Variants in CDKN2A observed in about 807,000 individuals in gnomAD.
CDKN2A encodes cyclin dependent kinase inhibitor 2A, also known as cyclin-dependent kinase inhibitor 2A.
CDKN2A carries 3 observed loss-of-function variants against 11.1 expected under a neutral mutation model. The observed-to-expected ratio is 0.27, with a 90% CI of 0.12 to 0.70. The LOEUF (loss-of-function observed/expected upper bound fraction) is 0.70, where lower values mean the gene tolerates loss of function less well. CDKN2A is among the 30% of genes least tolerant of loss of function. CDKN2A has a pLI of 0.77. For synonymous variants in CDKN2A, 122 were observed against 108.1 expected (o/e 1.13, Z -0.80); for missense variants, 265 against 233.6 (o/e 1.13, Z -0.88).
chr9:21,974,012 TC>T lies in CDKN2A; in HGVS notation c.150+665del, dbSNP rs1486058331. The stretch of plus-strand genomic sequence containing the variant: ...TTCAAGCGATTCTCCTGCCTCAACC[TC>T]CCGAGTAGCTGGGATTACAGGCGCC... On this transcript the variant is annotated intron_variant, in intron 1 of 2. Coordinates refer to ENST00000304494, the MANE Select transcript of CDKN2A (RefSeq NM_000077.5). The surrounding 1 kb of genome is among the most constrained non-coding windows in gnomAD (Gnocchi z 5.2). 6.6e-6 allele frequency among the ~76,000 whole-genome samples: 1 copy of T among 152,052 alleles called. No homozygotes were observed. The highest frequency in any genetic ancestry group is 1.5e-5 in the Non-Finnish European group (1 of 67,998).
At chr9:21,980,225 A>G (rs1265244844) in intron 2 of CDKN2A, among the ~76,000 whole-genome samples, 1 of 152,166 alleles carries the variant, frequency 6.6e-6, no homozygotes, top group Non-Finnish European at 1.5e-5. Flanking sequence ...TCTATTGTTT[A>G]CGCTTGAGGT....
chr9:21,995,114 C>CGGCGCT lies in CDKN2A; in HGVS notation c.-475_-470dup, dbSNP rs1297589263. ...TCTGACGCGACATCTGGACACGGCG[C>CGGCGCT]GGCGCTGGCGCTGCCGGAGCTGTCG... On this transcript the variant is annotated 5_prime_UTR_variant, in exon 1 of 4. Coordinates refer to the CDKN2A transcript ENST00000494262. The surrounding 1 kb of genome is among the most constrained non-coding windows in gnomAD (Gnocchi z 5.7). The CGGCGCT allele has an allele frequency of 1.3e-5, 2 of 152,182 alleles. No individual in the cohort carries two copies. Among genetic ancestry groups the CGGCGCT allele is most frequent in the South Asian group, 2.1e-4 (1 of 4,832 alleles). The allele number at this position is 152,182 out of a possible 1,614,324, so 9.4% of individuals were successfully genotyped here. A position where few individuals can be genotyped will look rare whatever the true frequency, so the allele number is the denominator to read the frequency against.
chr9:21,994,522 AC>A, intron 1 of CDKN2A: 12 of 895,104 alleles, frequency 1.3e-5, no homozygotes, highest in Non-Finnish European at 1.7e-5. Context: ...CCCCACCCCC[AC>A]CCCACCCCCA....
Position 21,990,131 on chromosome 9 carries a change from G to A in CDKN2A, c.-4+3751C>T, listed in dbSNP as rs1820392778. 2.0e-5 allele frequency among the ~76,000 whole-genome samples: 3 copies of A among 152,094 alleles called. No homozygotes were observed. The South Asian group carries it at 6.2e-4, about 32-fold the overall frequency. ...GGCGAGACCTGCCTGAAATTGATTGGAGGGGACTAGAGTGTGCTTGTGGGG... is the reference window on the plus strand; with the variant it reads ...GGCGAGACCTGCCTGAAATTGATTGAAGGGGACTAGAGTGTGCTTGTGGGG... On this transcript the variant is annotated intron_variant, in intron 2 of 3. Coordinates refer to the CDKN2A transcript ENST00000494262.
At chr9:21,979,621 ACTTC>A (rs773562365), upstream of CDKN2A, among the ~76,000 whole-genome samples, 3 of 152,218 alleles carry the variant, frequency 2.0e-5, no homozygotes, top group Non-Finnish European at 4.4e-5. Context: ...AAGTTGAGGC[ACTTC>A]CTTCTATGAA....
chr9:21,990,341 C>A (rs1024439771), intron 2 of CDKN2A, among the ~76,000 whole-genome samples: 2 of 152,072 alleles, frequency 1.3e-5, no homozygotes, highest in Non-Finnish European at 2.9e-5. Context: ...GCAGGTTTTC[C>A]CAGACCTTAA....
At position 21,992,297 on chromosome 9, in the gene CDKN2A, T is replaced by C. The variant is rs552794237; in HGVS notation, c.-4+1585A>G. ...TAGCCATGGGCATAAAATATATTAATGTGAAATATATAATTACATATCATT... is the reference window on the plus strand; with the variant it reads ...TAGCCATGGGCATAAAATATATTAACGTGAAATATATAATTACATATCATT... On this transcript the variant is annotated intron_variant, in intron 2 of 3. Coordinates refer to the CDKN2A transcript ENST00000494262. The C allele has an allele frequency of 3.6e-6, 3 of 841,148 alleles. No homozygotes were observed. The African/African-American group carries it at 5.5e-5, about 15-fold the overall frequency. 52.1% of individuals were successfully genotyped at this position (841,148 alleles called of 1,614,324 possible).
At chr9:21,985,822 G>A (rs894348147) in intron 2 of CDKN2A, among the ~76,000 whole-genome samples, 3 of 151,822 alleles carry the variant, frequency 2.0e-5, no homozygotes, top group Admixed American at 6.6e-5. Flanking sequence ...TAACACCTTG[G>A]AACATACCAG....
chr9:21,971,951 A>G (rs879759378), intron 1 of CDKN2A, among the ~76,000 whole-genome samples: 2 of 152,150 alleles, frequency 1.3e-5, no homozygotes, highest in Non-Finnish European at 2.9e-5. Context: ...AAAAAAAACA[A>G]TCAAACTTAT....
At chr9:21,970,569 G>A in intron 2 of CDKN2A, 1 of 556,552 alleles carries the variant, frequency 1.8e-6, no homozygotes, top group Non-Finnish European at 3.2e-6. Context: ...TGGAGGAAGA[G>A]GGGGCACTAG....
chr9:21,976,306 G>A (rs1448289177), upstream of CDKN2A, among the ~76,000 whole-genome samples: 1 of 151,294 alleles, frequency 6.6e-6, no homozygotes, highest in Admixed American at 6.6e-5. Context: ...TTGAACCCGG[G>A]AGGCAGAGGT....
chr9:21,994,418 A>T, intron 1 of CDKN2A: 2 of 1,601,850 alleles, frequency 1.2e-6, no homozygotes, highest in Non-Finnish European at 1.7e-6. Flanking sequence ...TGCCCCCTTA[A>T]CTGCAGACTG....
intron 2 of CDKN2A, among the ~76,000 whole-genome samples, chr9:21,969,239 A>C (rs561057823): frequency 1.6e-4 from 24 of 152,200 alleles, no homozygotes; most frequent in East Asian, 5.8e-4. Context: ...ACAAACAAAC[A>C]AACCCAGGCG....
At chr9:21,972,074 T>A (rs1172331680) in intron 1 of CDKN2A, among the ~76,000 whole-genome samples, 1 of 151,994 alleles carries the variant, frequency 6.6e-6, no homozygotes. Flanking sequence ...GTAATTGTTT[T>A]ATATTTCACA....
chr9:21,974,544 C>T lies in CDKN2A; in HGVS notation c.150+134G>A, dbSNP rs2131110191. The T allele has an allele frequency of 6.2e-7, 1 of 1,613,390 alleles. No homozygotes were observed. On this transcript the variant is annotated intron_variant, in intron 1 of 2. Transcript: ENST00000304494. The surrounding 1 kb of genome is among the most constrained non-coding windows in gnomAD (Gnocchi z 5.2). ...AGGAGGAGGTCTGTGATTACAAACC[C>T]CTTCTGAAAACTCCCCAGGAAGCCT...
Position 21,988,337 on chromosome 9 carries a change from C to A in CDKN2A, c.-4+5545G>T, listed in dbSNP as rs1390451150. 3.9e-5 allele frequency among the ~76,000 whole-genome samples: 6 copies of A among 152,072 alleles called. No homozygotes were observed. On this transcript the variant is annotated intron_variant, in intron 2 of 3. Transcript: ENST00000494262. This position sits in a 1 kb window ranked among gnomAD's most constrained non-coding sequence, Gnocchi z 4.1. ...CCAATAAGTCATAAAAATTAAAAAT[C>A]AACATACTATTTTTTGAAAGGACCT...
intron 2 of CDKN2A, chr9:21,969,529 A>G: frequency 2.6e-6 from 1 of 387,880 alleles, no homozygotes; most frequent in Non-Finnish European, 4.5e-6. Context: ...GGAGTAAGAG[A>G]AGGAAGGGAG....
chr9:21,985,593 T>G (rs1820281932), intron 2 of CDKN2A, among the ~76,000 whole-genome samples: 1 of 151,980 alleles, frequency 6.6e-6, no homozygotes, highest in Non-Finnish European at 1.5e-5. Context: ...GAAATTATTA[T>G]TCTGGGTTAT....
chr9:21,968,332 G>T lies in CDKN2A; in HGVS notation c.458-90C>A, dbSNP rs1819511238. 3 of 1,549,312 alleles carry T rather than the reference G, an allele frequency of 1.9e-6. No individual in the cohort carries two copies. Among genetic ancestry groups the T allele is most frequent in the African/African-American group, 1.4e-5 (1 of 73,722 alleles). On this transcript the variant is annotated intron_variant, in intron 2 of 2. Coordinates refer to ENST00000304494, the MANE Select transcript of CDKN2A (RefSeq NM_000077.5). This position sits in a 1 kb window ranked among gnomAD's most constrained non-coding sequence, Gnocchi z 4.7. ...CCCTCCTCTCTTGCCGTCCCTACCG[G>T]CATTGAAATACTTATGGATAAAGTT...
Sources: gnomAD v4.1 joint callset for allele counts (sites outside exome capture counted in the v4.1 genomes callset) on GRCh38, gnomAD v4.1.1 for gene constraint, Gnocchi (gnomAD v3.1) non-coding constraint, MANE v1.5 for transcripts, NCBI Gene and HGNC (gene_info 2026-07-23, HGNC 2026-07-21) for gene names.